BTBD16: variants seen among roughly 807,000 people sequenced by gnomAD.
BTBD16 encodes the protein BTB domain containing 16.
Under a neutral mutation model 67.4 loss-of-function variants are expected in BTBD16, and 66 were observed. The observed-to-expected ratio is 0.98, with a 90% CI of 0.80 to 1.20. BTBD16 has a LOEUF of 1.20. Ranked by LOEUF, BTBD16 falls within the 50% of genes most tolerant of loss-of-function variation. The probability of loss-of-function intolerance (pLI) is 0.00; values close to 1 mark genes in which losing one functional copy is unlikely to be tolerated. For synonymous variants in BTBD16, 242 were observed against 236.4 expected (o/e 1.02, Z -0.22); for missense variants, 634 against 616.0 (o/e 1.03, Z -0.31).
At chr10:122,291,234 G>T in intron 7 of BTBD16, 40 bp downstream of exon 7, 1 of 1,587,010 alleles carries the variant, frequency 6.3e-7, no homozygotes, top group Non-Finnish European at 8.6e-7. Context: ...GCCGGGCCTG[G>T]GGGAAATCGG....
chr10:122,335,708 G>C (rs938390313), intron 14 of BTBD16, among the ~76,000 whole-genome samples: 15 of 152,184 alleles, frequency 9.9e-5, no homozygotes, highest in Non-Finnish European at 1.9e-4. Context: ...TGATGTTGAC[G>C]ATGACAATGA....
chr10:122,272,785 TG>T (rs1169608963), intron 1 of BTBD16, among the ~76,000 whole-genome samples: 2 of 152,148 alleles, frequency 1.3e-5, no homozygotes, highest in African/African-American at 4.8e-5. Flanking sequence ...TTCTGCAGCA[TG>T]TATGGCAGAC....
At chr10:122,331,508 G>A (rs764861779) in intron 12 of BTBD16, among the ~76,000 whole-genome samples, 9 of 152,164 alleles carry the variant, frequency 5.9e-5, no homozygotes, top group African/African-American at 9.7e-5. Context: ...ATTAACAAAC[G>A]TTTGGACCAA....
At chr10:122,334,817 C>T (rs973058598) in intron 13 of BTBD16, 64 bp from the exon 14 acceptor site, 22 of 1,036,656 alleles carry the variant, frequency 2.1e-5, no homozygotes, top group Admixed American at 7.4e-5. Context: ...CCACCACGCC[C>T]GGGTGACTTT....
In BTBD16 at chr10:122,293,390, G is replaced by T. The variant is rs538794649; in HGVS notation, c.590+2196G>T. ...GGACTCATGAAATGACTAGGTCCAGGCCTTTGATCTGGAGCATGTGGCAGC... is the reference window on the plus strand; with the variant it reads ...GGACTCATGAAATGACTAGGTCCAGTCCTTTGATCTGGAGCATGTGGCAGC... On this transcript the variant is annotated intron_variant, in intron 7 of 15. Transcript: ENST00000260723. Among the ~76,000 whole-genome samples the T allele has an allele frequency of 4.6e-5, 7 of 152,304 alleles. No individual in the cohort carries two copies. The South Asian group carries it at 1.4e-3, about 32-fold the overall frequency.
intron 9 of BTBD16, among the ~76,000 whole-genome samples, chr10:122,302,867 C>G (rs918847881): frequency 6.6e-6 from 1 of 152,112 alleles, no homozygotes; most frequent in African/African-American, 2.4e-5. Context: ...ATGACGGGAT[C>G]AGCTGAAGGT....
intron 3 of BTBD16, among the ~76,000 whole-genome samples, chr10:122,280,340 C>T (rs1190891983): frequency 2.6e-5 from 4 of 152,118 alleles, no homozygotes; most frequent in Non-Finnish European, 5.9e-5. Context: ...CCCAGAGATC[C>T]AGCACGGGAG....
At chr10:122,273,219 A>AAT in intron 1 of BTBD16, among the ~76,000 whole-genome samples, 1 of 66,768 alleles carries the variant, frequency 1.5e-5, no homozygotes, top group East Asian at 7.1e-4. Flanking sequence ...CAGCAACACA[A>AAT]AGATATATAT....
intron 9 of BTBD16, among the ~76,000 whole-genome samples, chr10:122,301,277 G>A (rs2096393370): frequency 3.9e-5 from 6 of 152,304 alleles, no homozygotes; most frequent in Admixed American, 3.9e-4. Flanking sequence ...AAAAATGTCT[G>A]ACCACAACCG....
chr10:122,289,390 C>A (rs7896211), intron 5 of BTBD16, among the ~76,000 whole-genome samples: 54,848 of 152,014 alleles, frequency 0.36, 10,175 homozygotes, highest in African/African-American at 0.44. Flanking sequence ...ACTCTGCACT[C>A]TTTTTGCAAC....
At chr10:122,305,184 G>A (rs1366249992) in intron 9 of BTBD16, among the ~76,000 whole-genome samples, 1 of 152,160 alleles carries the variant, frequency 6.6e-6, no homozygotes, top group Non-Finnish European at 1.5e-5. Context: ...TAGGTTCAGG[G>A]GTACATGTGC....
intron 10 of BTBD16, among the ~76,000 whole-genome samples, chr10:122,323,913 C>T (rs559654558): frequency 2.0e-5 from 3 of 152,186 alleles, no homozygotes; most frequent in Non-Finnish European, 4.4e-5. Flanking sequence ...CAAATCATAA[C>T]AGACATGTAA....
chr10:122,310,620 G>A (rs1283711953), intron 10 of BTBD16, among the ~76,000 whole-genome samples: 1 of 152,200 alleles, frequency 6.6e-6, no homozygotes, highest in African/African-American at 2.4e-5. Flanking sequence ...TTCAAAGTGA[G>A]ACAGAGGAGC....
At chr10:122,293,101 C>T (rs1289368887) in intron 7 of BTBD16, among the ~76,000 whole-genome samples, 1 of 152,092 alleles carries the variant, frequency 6.6e-6, no homozygotes. Context: ...TTCCCTAATT[C>T]CTGATGCAAT....
intron 5 of BTBD16, among the ~76,000 whole-genome samples, chr10:122,287,928 T>G (rs2096366888): frequency 6.6e-6 from 1 of 152,182 alleles, no homozygotes; most frequent in Non-Finnish European, 1.5e-5. Context: ...TATGAACAAA[T>G]TATTGATATC....
chr10:122,332,388 G>C (rs199948970), intron 12 of BTBD16, 48 bp from the exon 13 acceptor site: 2 of 1,583,644 alleles, frequency 1.3e-6, no homozygotes, highest in Non-Finnish European at 8.6e-7. Context: ...AGAGGCGCTC[G>C]TGTCCAGAGG....
At position 122,304,063 on chromosome 10, in the gene BTBD16, T is replaced by C. The variant is rs1183036797; in HGVS notation, c.792-3126T>C. ...GGGCTTGAGGACCTCAGGTGTGGAG[T>C]CTACACTGGAAATCACACCACTTCG... is the stretch of plus-strand genomic sequence containing the variant. On this transcript the variant is annotated intron_variant, in intron 9 of 15. Transcript: ENST00000260723. Among the ~76,000 whole-genome samples the C allele has an allele frequency of 8.6e-5, 13 of 151,854 alleles. No homozygotes were observed. The East Asian group carries it at 2.3e-3, about 27-fold the overall frequency.
At chr10:122,337,569 A>C (rs903983623) in intron 15 of BTBD16, among the ~76,000 whole-genome samples, 3 of 152,128 alleles carry the variant, frequency 2.0e-5, no homozygotes, top group Admixed American at 2.0e-4. Flanking sequence ...GGTTCACGCC[A>C]TTCTCCTGCC....
intron 10 of BTBD16, among the ~76,000 whole-genome samples, chr10:122,326,799 T>A (rs1005982492): frequency 5.3e-5 from 8 of 152,154 alleles, no homozygotes. Flanking sequence ...GGTTTCTCAG[T>A]GAACTTTGGG....
Sources: gnomAD v4.1 joint callset for allele counts (sites outside exome capture counted in the v4.1 genomes callset) on GRCh38, gnomAD v4.1.1 for gene constraint, MANE v1.5 for transcripts, NCBI Gene and HGNC (gene_info 2026-07-23, HGNC 2026-07-21) for gene names.